The following RABGAP1L variants were observed in gnomAD, a reference collection of about 807,000 sequenced individuals.
RABGAP1L encodes RAB GTPase activating protein 1 like, also known as rab GTPase-activating protein 1-like.
A neutral mutation model predicts 137.7 loss-of-function variants in RABGAP1L; 63 were observed. That is an observed-to-expected ratio of 0.46 (90% CI 0.37 to 0.56). The LOEUF (loss-of-function observed/expected upper bound fraction) is 0.56, where lower values mean the gene tolerates loss of function less well. Among genes scored for constraint, RABGAP1L ranks in the 20% least tolerant of loss-of-function variants. The pLI, the probability that RABGAP1L is intolerant of heterozygous loss-of-function variation, is 0.00. For synonymous variants in RABGAP1L, 431 were observed against 433.7 expected (o/e 0.99, Z 0.08); for missense variants, 1,095 against 1,244.0 (o/e 0.88, Z 1.80).
At chr1:174,620,670 C>G (rs1408560766) in intron 13 of RABGAP1L, among the ~76,000 whole-genome samples, 2 of 151,984 alleles carry the variant, frequency 1.3e-5, no homozygotes, top group Non-Finnish European at 2.9e-5. Context: ...TAAATACCCA[C>G]AAGAGAAAGC....
chr1:174,903,268 A>G (rs985627485), intron 19 of RABGAP1L, among the ~76,000 whole-genome samples: 2 of 152,228 alleles, frequency 1.3e-5, no homozygotes, highest in Non-Finnish European at 2.9e-5. Context: ...CAGATATGCC[A>G]TAGAAATACA....
rs573180241 is a variant in RABGAP1L at position 174,173,113 on chromosome 1, C to T, written c.-34+13456C>T. Among the ~76,000 whole-genome samples the T allele has an allele frequency of 1.3e-3, 194 of 151,696 alleles. 1 individual carries two copies. Among genetic ancestry groups the T allele is most frequent in the African/African-American group, 4.4e-3 (184 of 41,398 alleles). ...ATGCAGCTATGGTGTTTTGCTTTTT[C>T]CCCTCCAAGTTAAAAAGATTTTTTT... is the stretch of plus-strand genomic sequence containing the variant. On this transcript the variant is annotated intron_variant, in intron 1 of 25. Transcript: ENST00000681986.
chr1:174,907,151 A>G (rs1295265350), intron 19 of RABGAP1L, among the ~76,000 whole-genome samples: 2 of 152,220 alleles, frequency 1.3e-5, no homozygotes, highest in East Asian at 3.8e-4. Flanking sequence ...ATACTCTGTT[A>G]CTGTCATGTA....
chr1:174,841,509 A>T (rs1327157893), intron 19 of RABGAP1L, among the ~76,000 whole-genome samples: 1 of 152,080 alleles, frequency 6.6e-6, no homozygotes, highest in Non-Finnish European at 1.5e-5. Context: ...ACTCCATTAA[A>T]TATCTAACTC....
intron 17 of RABGAP1L, among the ~76,000 whole-genome samples, chr1:174,748,579 A>G (rs1416248070): frequency 2.0e-5 from 3 of 152,290 alleles, no homozygotes; most frequent in South Asian, 2.1e-4. Context: ...AACATAAGAC[A>G]TTAATCCATG....
chr1:174,873,362 CCTGGCCTAAGCCATATTTCT>C (rs1377600336), intron 19 of RABGAP1L, among the ~76,000 whole-genome samples: 1 of 152,062 alleles, frequency 6.6e-6, no homozygotes. Flanking sequence ...AGCCACCGTG[CCTGGCCTAAGCCATATTTCT>C]CTTGTAGTTG....
At chr1:174,178,107 C>T (rs1051186561) in intron 1 of RABGAP1L, among the ~76,000 whole-genome samples, 17 of 152,166 alleles carry the variant, frequency 1.1e-4, no homozygotes, top group Non-Finnish European at 2.4e-4. Context: ...TCTTCCTATC[C>T]GTGAGTATGG....
At chr1:174,178,670 A>G (rs979320860) in intron 1 of RABGAP1L, among the ~76,000 whole-genome samples, 2 of 152,256 alleles carry the variant, frequency 1.3e-5, no homozygotes, top group African/African-American at 4.8e-5. Context: ...GAATGAGTTC[A>G]TGCCCTTGGC....
intron 14 of RABGAP1L, among the ~76,000 whole-genome samples, chr1:174,672,609 T>G (rs149740312): frequency 0.025 from 3,749 of 152,080 alleles, 63 homozygotes; most frequent in Non-Finnish European, 0.036. Context: ...TAATTTTCCC[T>G]CTCAAACTGC....
intron 23 of RABGAP1L, among the ~76,000 whole-genome samples, chr1:174,981,756 A>AT (rs543786888): frequency 3.4e-4 from 52 of 151,302 alleles, no homozygotes; most frequent in Non-Finnish European, 7.1e-4. Flanking sequence ...ATTTATCTAG[A>AT]TTTTTTCCTT....
At chr1:174,534,802 A>AAAAAAAAAAAAAAAAAAAAT (rs1553324953) in intron 13 of RABGAP1L, among the ~76,000 whole-genome samples, 2 of 137,266 alleles carry the variant, frequency 1.5e-5, no homozygotes, top group East Asian at 2.1e-4. Flanking sequence ...AAAAAAAAAA[A>AAAAAAAAAAAAAAAAAAAAT]AATAATTAGA....
intron 13 of RABGAP1L, among the ~76,000 whole-genome samples, chr1:174,495,198 A>G (rs1008808041): frequency 2.0e-5 from 3 of 152,184 alleles, no homozygotes; most frequent in African/African-American, 7.2e-5. Context: ...GATATATATC[A>G]TGAACTCTCA....
intron 12 of RABGAP1L, among the ~76,000 whole-genome samples, chr1:174,377,540 C>T (rs1173231304): frequency 6.6e-6 from 1 of 152,040 alleles, no homozygotes; most frequent in Non-Finnish European, 1.5e-5. Flanking sequence ...GAAATAGAGC[C>T]ACGCAATCTA....
intron 13 of RABGAP1L, among the ~76,000 whole-genome samples, chr1:174,575,783 C>T (rs542472262): frequency 1.3e-5 from 2 of 152,182 alleles, no homozygotes; most frequent in South Asian, 2.1e-4. Context: ...ATCGGCAGGT[C>T]GATAAATAAT....
At chr1:174,537,778 T>C (rs1039250395) in intron 13 of RABGAP1L, among the ~76,000 whole-genome samples, 3 of 152,204 alleles carry the variant, frequency 2.0e-5, no homozygotes, top group Admixed American at 6.6e-5. Flanking sequence ...TATCAAGATC[T>C]TTTAAAGAAC....
intron 5 of RABGAP1L, chr1:174,244,303 G>A (rs919114193): frequency 5.3e-5 from 8 of 152,204 alleles, no homozygotes; most frequent in African/African-American, 1.9e-4. Context: ...CGCAGAGTTC[G>A]TGGATGAGAG....
chr1:174,864,332 C>T (rs1650836195), intron 19 of RABGAP1L, among the ~76,000 whole-genome samples: 1 of 152,278 alleles, frequency 6.6e-6, no homozygotes, highest in South Asian at 2.1e-4. Context: ...AATCTCAGAC[C>T]TATTTTCTTC....
intron 18 of RABGAP1L, among the ~76,000 whole-genome samples, chr1:174,808,201 A>G (rs1689511734): frequency 6.6e-6 from 1 of 151,908 alleles, no homozygotes; most frequent in South Asian, 2.1e-4. Flanking sequence ...GTTAGCCAGG[A>G]TGGTCTCAAT....
chr1:174,547,533 C>G (rs908313423), intron 13 of RABGAP1L, among the ~76,000 whole-genome samples: 9 of 152,144 alleles, frequency 5.9e-5, no homozygotes, highest in African/African-American at 1.2e-4. Flanking sequence ...GGGAAAATCA[C>G]CTGAGCACAG....
Sources: allele counts gnomAD v4.1 joint callset (sites outside exome capture counted in the v4.1 genomes callset), GRCh38; gene constraint gnomAD v4.1.1; transcripts MANE v1.5; gene names NCBI Gene and HGNC (gene_info 2026-07-23, HGNC 2026-07-21).